Variants in MARCHF4 observed in about 807,000 individuals in gnomAD.
MARCHF4 encodes E3 ubiquitin-protein ligase MARCHF4.
MARCHF4 carries 14 observed loss-of-function variants against 43.9 expected under a neutral mutation model. That is an observed-to-expected ratio of 0.32 (90% confidence interval 0.21 to 0.50). The LOEUF (loss-of-function observed/expected upper bound fraction) is 0.50, where lower values mean the gene tolerates loss of function less well. Ranked by LOEUF, MARCHF4 falls within the 20% of genes least tolerant of loss-of-function variation. MARCHF4 has a pLI of 0.98. For missense variants in MARCHF4, 468 were observed against 536.7 expected (o/e 0.87, Z 1.27); for synonymous variants, 226 against 213.3 (o/e 1.06, Z -0.52).
chr2:216,292,229 G>T (rs887419103), intron 1 of MARCHF4, among the ~76,000 whole-genome samples: 7 of 152,228 alleles, frequency 4.6e-5, no homozygotes, highest in African/African-American at 1.7e-4. Flanking sequence ...CCTTGGTGAG[G>T]GGGAGATATC....
rs1690702632 is a variant in MARCHF4 at position 216,259,373 on chromosome 2, T to G, written c.1172A>C (p.His391Pro). Residue 391 changes from histidine to proline, a missense_variant, in exon 4 of 4, where the codon CAT becomes CCT. Around this residue, in one of 3 missense-constraint regions of MARCHF4, gnomAD observed 120 missense variants for 127.1 expected, o/e 0.94. Transcript: ENST00000273067. ...GCTGCCTGGGGGACTTCGCTGTTCA[T>G]GAGGTCTCAAGTGACTCAGGATGTG... ...ILHILSHLRP[H>P]EQRSPPGSSR... 6.2e-7 allele frequency: 1 copy of G among 1,601,542 alleles called. No homozygotes were observed. Among genetic ancestry groups the G allele is most frequent in the Non-Finnish European group, 8.5e-7 (1 of 1,171,488 alleles).
At chr2:216,343,620 T>C (rs4674079) in intron 1 of MARCHF4, among the ~76,000 whole-genome samples, 79,733 of 152,008 alleles carry the variant, frequency 0.52, 21,817 homozygotes, top group East Asian at 0.78. Context: ...CTTGTGCTAG[T>C]CCCTTTGTGT....
At chr2:216,275,911 T>C (rs998611483) in intron 3 of MARCHF4, among the ~76,000 whole-genome samples, 1 of 152,168 alleles carries the variant, frequency 6.6e-6, no homozygotes, top group Non-Finnish European at 1.5e-5. Flanking sequence ...GCACACCCAG[T>C]AGTCCCTGCT....
intron 1 of MARCHF4, among the ~76,000 whole-genome samples, chr2:216,305,541 G>A (rs1371561413): frequency 6.6e-6 from 1 of 152,190 alleles, no homozygotes; most frequent in African/African-American, 2.4e-5. Flanking sequence ...AGGAAGAGAA[G>A]AAGAGAACAT....
chr2:216,270,218 G>A (rs748971473), intron 3 of MARCHF4, among the ~76,000 whole-genome samples: 4 of 152,100 alleles, frequency 2.6e-5, no homozygotes, highest in Admixed American at 2.0e-4. Context: ...TGGGACTGCA[G>A]GTGTGCACCA....
chr2:216,277,973 C>T, intron 2 of MARCHF4, 109 bp from the exon 3 acceptor site: 1 of 1,003,598 alleles, frequency 1.0e-6, no homozygotes, highest in Non-Finnish European at 1.4e-6. Flanking sequence ...AGGATTTAAG[C>T]CAGGGCTTTC....
chr2:216,298,583 G>T (rs1030443258), intron 1 of MARCHF4, among the ~76,000 whole-genome samples: 3 of 152,136 alleles, frequency 2.0e-5, no homozygotes, highest in African/African-American at 4.8e-5. Flanking sequence ...GGTTTTTAAG[G>T]TATGTTTTCC....
chr2:216,354,268 C>T (rs1692447253), intron 1 of MARCHF4, among the ~76,000 whole-genome samples: 1 of 152,198 alleles, frequency 6.6e-6, no homozygotes, highest in African/African-American at 2.4e-5. Context: ...TAGGAAGGAA[C>T]ACATTTCTGA....
intron 1 of MARCHF4, among the ~76,000 whole-genome samples, chr2:216,356,057 G>A (rs796624140): frequency 1.3e-5 from 2 of 152,336 alleles, no homozygotes; most frequent in African/African-American, 2.4e-5. Context: ...GCTCCATAGA[G>A]GCTTAAATCT....
chr2:216,350,967 C>G (rs1008245252), intron 1 of MARCHF4, among the ~76,000 whole-genome samples: 1 of 152,126 alleles, frequency 6.6e-6, no homozygotes, highest in African/African-American at 2.4e-5. Flanking sequence ...GAGCCAGGAG[C>G]CCAGAACCCA....
At chr2:216,323,705 G>C (rs1691942386) in intron 1 of MARCHF4, among the ~76,000 whole-genome samples, 1 of 152,156 alleles carries the variant, frequency 6.6e-6, no homozygotes, top group Non-Finnish European at 1.5e-5. Flanking sequence ...ACCTGCTCCT[G>C]AATGACTACT....
At chr2:216,277,935 T>G in intron 2 of MARCHF4, 71 bp from the exon 3 acceptor site, 1 of 1,406,832 alleles carries the variant, frequency 7.1e-7, no homozygotes, top group Non-Finnish European at 9.7e-7. Flanking sequence ...CTCTTCTGTC[T>G]GCTGCTCCAA....
chr2:216,370,011 C>G lies in MARCHF4; in HGVS notation c.250G>C (p.Ala84Pro). Residue 84 changes from alanine (A) to proline (P), a missense_variant, in exon 1 of 4, where the codon GCC becomes CCC. This residue lies in a region of MARCHF4 where 190 missense variants were observed against 158.5 expected (regional missense o/e 1.20). Transcript: ENST00000273067. ...CCCCTCCAGCCTGCCCACCCCCCGG[C>G]GCCCAGAGCCGGAAGGGTGTTGTTG... is the stretch of plus-strand genomic sequence containing the variant. The part of the protein sequence containing the change: ...AANNTLPALG[A>P]GGWAGWRGPR... The G allele has an allele frequency of 6.5e-7, 1 of 1,538,896 alleles. No homozygotes were observed. Among genetic ancestry groups the G allele is most frequent in the South Asian group, 1.2e-5 (1 of 84,150 alleles).
chr2:216,287,247 A>T (rs1691230871), intron 1 of MARCHF4, among the ~76,000 whole-genome samples: 2 of 152,152 alleles, frequency 1.3e-5, no homozygotes, highest in South Asian at 4.2e-4. Context: ...AACTGAGCAC[A>T]TCAGCGATGT....
At chr2:216,339,918 TG>T (rs1176253347) in intron 1 of MARCHF4, among the ~76,000 whole-genome samples, 6 of 152,016 alleles carry the variant, frequency 3.9e-5, no homozygotes, top group Admixed American at 2.0e-4. Context: ...CTGGGCCTCC[TG>T]CTGGGGTGAC....
At chr2:216,306,559 A>G (rs1200768945) in intron 1 of MARCHF4, among the ~76,000 whole-genome samples, 1 of 152,184 alleles carries the variant, frequency 6.6e-6, no homozygotes, top group Non-Finnish European at 1.5e-5. Flanking sequence ...GGTTTTGATC[A>G]CTATCAGTTT....
At chr2:216,307,616 A>T (rs778562473) in intron 1 of MARCHF4, among the ~76,000 whole-genome samples, 4 of 152,016 alleles carry the variant, frequency 2.6e-5, no homozygotes, top group Non-Finnish European at 5.9e-5. Context: ...ATAAAAGGAG[A>T]GCTGTTTATC....
intron 1 of MARCHF4, among the ~76,000 whole-genome samples, chr2:216,325,338 AT>A (rs1422928226): frequency 1.3e-5 from 2 of 152,252 alleles, no homozygotes; most frequent in Non-Finnish European, 2.9e-5. Context: ...ATGGAAGAAT[AT>A]TCCATGCTCA....
intron 1 of MARCHF4, among the ~76,000 whole-genome samples, chr2:216,337,860 TGA>T (rs1479127944): frequency 1.3e-5 from 2 of 152,190 alleles, no homozygotes; most frequent in Non-Finnish European, 2.9e-5. Flanking sequence ...CTCTAACTGT[TGA>T]GTGGCAGGCA....
Sources: allele counts gnomAD v4.1 joint callset (sites outside exome capture counted in the v4.1 genomes callset), GRCh38; gene constraint gnomAD v4.1.1; regional missense constraint gnomAD v4.1.1; transcripts MANE v1.5; gene names NCBI Gene and HGNC (gene_info 2026-07-23, HGNC 2026-07-21).